Variants in MARCHF1 observed in about 807,000 individuals in gnomAD.
MARCHF1 encodes the protein membrane associated ring-CH-type finger 1.
A neutral mutation model predicts 54.2 loss-of-function variants in MARCHF1; 40 were observed. The observed-to-expected ratio is 0.74, with a 90% CI of 0.57 to 0.96. The LOEUF (loss-of-function observed/expected upper bound fraction) is 0.96. MARCHF1 is among the 40% of genes least tolerant of loss of function. The pLI is 0.00. For synonymous variants in MARCHF1, 236 were observed against 236.3 expected (o/e 1.00, Z 0.01); for missense variants, 586 against 656.5 (o/e 0.89, Z 1.17).
At chr4:164,307,318 C>T (rs1734722316) in intron 1 of MARCHF1, among the ~76,000 whole-genome samples, 1 of 152,192 alleles carries the variant, frequency 6.6e-6, no homozygotes, top group Non-Finnish European at 1.5e-5. Flanking sequence ...AAGGGAGTAG[C>T]CAAATCATTT....
At chr4:164,112,811 T>C (rs1755861193) in intron 1 of MARCHF1, among the ~76,000 whole-genome samples, 1 of 151,960 alleles carries the variant, frequency 6.6e-6, no homozygotes, top group Non-Finnish European at 1.5e-5. Context: ...ATATATTGCA[T>C]AGAACCATGA....
At chr4:164,267,563 C>T (rs568035541) in intron 1 of MARCHF1, among the ~76,000 whole-genome samples, 2 of 152,212 alleles carry the variant, frequency 1.3e-5, no homozygotes, top group Admixed American at 6.5e-5. Flanking sequence ...CTGAATCTAA[C>T]TAAGAACCAT....
intron 2 of MARCHF1, among the ~76,000 whole-genome samples, chr4:164,085,416 G>A (rs1323010999): frequency 1.3e-5 from 2 of 151,688 alleles, no homozygotes; most frequent in East Asian, 3.9e-4. Context: ...GCACTTAAGG[G>A]AAATGTCTTA....
intron 3 of MARCHF1, among the ~76,000 whole-genome samples, chr4:163,938,834 A>T (rs180874411): frequency 2.0e-3 from 298 of 152,200 alleles, no homozygotes; most frequent in African/African-American, 7.0e-3. Flanking sequence ...GGAACTCCTT[A>T]TAAATAAAAC....
At chr4:163,752,686 G>A (rs1746558107) in intron 4 of MARCHF1, among the ~76,000 whole-genome samples, 1 of 152,094 alleles carries the variant, frequency 6.6e-6, no homozygotes, top group African/African-American at 2.4e-5. Flanking sequence ...GCACTGTGTG[G>A]AAAAATTGGC....
At chr4:163,734,448 C>T (rs924980827) in intron 4 of MARCHF1, among the ~76,000 whole-genome samples, 3 of 151,220 alleles carry the variant, frequency 2.0e-5, no homozygotes, top group African/African-American at 2.4e-5. Flanking sequence ...AATTTCTATA[C>T]GATGACATCT....
intron 3 of MARCHF1, among the ~76,000 whole-genome samples, chr4:163,934,191 C>G (rs1751742837): frequency 6.6e-6 from 1 of 151,910 alleles, no homozygotes; most frequent in African/African-American, 2.4e-5. Context: ...TGACTATAGT[C>G]CCAAAAAAGC....
intron 1 of MARCHF1, among the ~76,000 whole-genome samples, chr4:164,321,967 A>G (rs1735153296): frequency 6.6e-6 from 1 of 152,084 alleles, no homozygotes; most frequent in African/African-American, 2.4e-5. Context: ...TGAGAAAGTC[A>G]TAGCTATTAT....
chr4:163,528,081 C>T lies in MARCHF1; in HGVS notation c.*667G>A, dbSNP rs990966605. ...GGTATTTAACAGAGCTAATTATATC[C>T]GAACATTTTCTGAAAATCTTTTGCG... On this transcript the variant is annotated 3_prime_UTR_variant, in exon 10 of 10. Coordinates refer to ENST00000514618, the MANE Select transcript of MARCHF1 (RefSeq NM_001394959.1). The T allele has an allele frequency of 2.0e-5, 3 of 152,378 alleles. No individual in the cohort carries two copies. The highest frequency in any genetic ancestry group is 4.4e-5 in the Non-Finnish European group (3 of 68,008). 9.4% of individuals were successfully genotyped at this position (152,378 alleles called of 1,614,324 possible).
intron 1 of MARCHF1, among the ~76,000 whole-genome samples, chr4:164,183,988 G>T (rs1005574068): frequency 6.6e-6 from 1 of 152,160 alleles, no homozygotes; most frequent in Non-Finnish European, 1.5e-5. Context: ...CCAGGAAGAG[G>T]TTCGCTTTAG....
intron 1 of MARCHF1, among the ~76,000 whole-genome samples, chr4:164,245,063 A>G (rs1732900659): frequency 6.6e-6 from 1 of 152,214 alleles, no homozygotes; most frequent in African/African-American, 2.4e-5. Flanking sequence ...TTCTGAAACT[A>G]TTCCAATCAA....
rs770572494 is a variant in MARCHF1, at chr4:163,528,816, C to T, written c.1570G>A (p.Val524Ile). The T allele has an allele frequency of 6.2e-7, 1 of 1,613,248 alleles. No homozygotes were observed. Among genetic ancestry groups the T allele is most frequent in the Non-Finnish European group, 8.5e-7 (1 of 1,179,462 alleles). The change falls in exon 10 of 10, where the codon GTA becomes ATA. Residue 524 changes from valine to isoleucine, a missense_variant. Physicochemically the swap from Val to Ile is conservative, Grantham distance 29. Around this residue, in one of 3 missense-constraint regions of MARCHF1, gnomAD observed 106 missense variants for 93.8 expected, o/e 1.13. Transcript: ENST00000514618. ...TDIKDAVVVP[V>I]PQTGANSLPS... ...AGTGAATTTGCACCTGTTTGTGGTA[C>T]AGGCACTACCACAGCATCTTTGATG...
intron 1 of MARCHF1, among the ~76,000 whole-genome samples, chr4:164,191,844 T>G (rs561303818): frequency 6.6e-6 from 1 of 152,274 alleles, no homozygotes; most frequent in Non-Finnish European, 1.5e-5. Flanking sequence ...TTTACTCAAA[T>G]CCTATTCATG....
intron 4 of MARCHF1, among the ~76,000 whole-genome samples, chr4:163,780,685 G>T (rs1747439646): frequency 1.3e-5 from 2 of 152,184 alleles, no homozygotes; most frequent in Admixed American, 6.5e-5. Flanking sequence ...TTTGAAAAAA[G>T]TGTGCATAGC....
chr4:163,690,338 A>G (rs1386202870), intron 5 of MARCHF1, among the ~76,000 whole-genome samples: 1 of 152,172 alleles, frequency 6.6e-6, no homozygotes, highest in Admixed American at 6.5e-5. Context: ...TAAACATTCA[A>G]AGAAGACTGT....
chr4:163,639,408 C>T (rs184160030), intron 5 of MARCHF1, among the ~76,000 whole-genome samples: 310 of 152,098 alleles, frequency 2.0e-3, no homozygotes, highest in Middle Eastern at 0.014. Flanking sequence ...GGTGATTCTT[C>T]GAGAGAAACA....
intron 4 of MARCHF1, among the ~76,000 whole-genome samples, chr4:163,806,291 G>T (rs1343500909): frequency 6.6e-6 from 1 of 152,160 alleles, no homozygotes; most frequent in Non-Finnish European, 1.5e-5. Flanking sequence ...GGACTAATGG[G>T]AGGAATGGGA....
At chr4:164,009,065 T>A (rs895079703) in intron 2 of MARCHF1, among the ~76,000 whole-genome samples, 1 of 151,832 alleles carries the variant, frequency 6.6e-6, no homozygotes, top group Non-Finnish European at 1.5e-5. Context: ...AGCCTTCAGC[T>A]AGACTAAGAA....
At chr4:163,923,724 C>A (rs1751479066) in intron 3 of MARCHF1, among the ~76,000 whole-genome samples, 2 of 149,754 alleles carry the variant, frequency 1.3e-5, no homozygotes. Flanking sequence ...TACATTTATG[C>A]TACAATATTA....
Sources: gnomAD v4.1 joint callset for allele counts (sites outside exome capture counted in the v4.1 genomes callset) on GRCh38, gnomAD v4.1.1 for gene constraint, gnomAD v4.1.1 regional missense constraint, MANE v1.5 for transcripts, NCBI Gene and HGNC (gene_info 2026-07-23, HGNC 2026-07-21) for gene names.